The following DNAH1 variants were observed in gnomAD, a reference collection of about 807,000 sequenced individuals.
DNAH1 encodes the protein axonemal beta dynein heavy chain 1.
A neutral mutation model predicts 484.3 loss-of-function variants in DNAH1; 327 were observed. The ratio of observed to expected loss-of-function variants is 0.68; its 90% confidence interval spans 0.62 to 0.74. The LOEUF is 0.74. DNAH1 is among the 30% of genes least tolerant of loss of function. The pLI is 0.00. For missense variants in DNAH1, 5,052 were observed against 5,546.8 expected (o/e 0.91, Z 2.83); for synonymous variants, 2,192 against 2,191.9 (o/e 1.00, Z 0.00).
intron 32 of DNAH1, among the ~76,000 whole-genome samples, chr3:52,363,925 C>T (rs901160479): frequency 1.3e-5 from 2 of 152,114 alleles, no homozygotes; most frequent in Admixed American, 6.5e-5. Flanking sequence ...TCCTGGGTGC[C>T]GGCGCTCCCA....
Position 52,346,773 on chromosome 3 carries a change from G to A in DNAH1, c.1955+3G>A. ...GACTTAATTAACAGCCCCTACAGGT[G>A]GGGCCCGGCGGGGCGGAGGCACCTG... On this transcript the variant is annotated splice_donor_region_variant and intron_variant, in intron 11 of 77. Coordinates refer to ENST00000420323, the MANE Select transcript of DNAH1 (RefSeq NM_015512.5). The A allele has an allele frequency of 6.2e-7, 1 of 1,600,188 alleles. No homozygotes were observed. Among genetic ancestry groups the A allele is most frequent in the South Asian group, 1.1e-5 (1 of 90,422 alleles).
At chr3:52,393,639 C>T (rs1704493200) in intron 66 of DNAH1, among the ~76,000 whole-genome samples, 154 bp downstream of exon 66, 2 of 152,142 alleles carry the variant, frequency 1.3e-5, no homozygotes, top group Admixed American at 6.5e-5. Context: ...CAGCCAGGGC[C>T]GGGCACGGTG....
intron 8 of DNAH1, 31 bp from the exon 9 acceptor site, chr3:52,344,457 CCT>C (rs1351557275): frequency 3.7e-6 from 6 of 1,604,722 alleles, no homozygotes; most frequent in African/African-American, 1.3e-5. Flanking sequence ...GTGTGGAGCC[CCT>C]GATTCCCCCA....
In DNAH1 at chr3:52,366,887, G is replaced by T; in HGVS notation, c.5765G>T (p.Trp1922Leu). The T allele has an allele frequency of 6.2e-7, 1 of 1,608,820 alleles. No individual in the cohort carries two copies. Residue 1922 changes from tryptophan to leucine, a missense_variant and splice_region_variant, in exon 36 of 78, where the codon TGG (tryptophan) becomes TTG (leucine). By Grantham distance (61) the Trp-to-Leu change is moderately conservative. Transcript: ENST00000420323. The part of the protein sequence containing the change: ...YGEFDLLTHE[W>L]TDGIFSSFIR... ...GAGTTTGACCTCCTCACCCATGAGT[G>T]GTGAGTGACCCCCCAGCCTCACCGG...
chr3:52,336,845 A>G (rs1375010102), intron 8 of DNAH1, among the ~76,000 whole-genome samples: 1 of 152,138 alleles, frequency 6.6e-6, no homozygotes, highest in Non-Finnish European at 1.5e-5. Flanking sequence ...GCCTTGTAGT[A>G]CAGTTTGAAG....
intron 59 of DNAH1, 129 bp downstream of exon 59, chr3:52,389,066 C>T (rs1269470619): frequency 8.5e-7 from 1 of 1,175,050 alleles, no homozygotes; most frequent in African/African-American, 1.5e-5. Context: ...TCAACAAGCA[C>T]TTAGCAGGCT....
intron 32 of DNAH1, 29 bp downstream of exon 32, chr3:52,363,173 G>T: frequency 6.2e-7 from 1 of 1,607,720 alleles, no homozygotes; most frequent in Non-Finnish European, 8.5e-7. Context: ...GGGTTTCCAG[G>T]GTCTGAAAAC....
rs536849666 is a variant in DNAH1 at position 52,335,102 on chromosome 3, A to G, written c.1286+2708A>G. On this transcript the variant is annotated intron_variant, in intron 8 of 77. Coordinates refer to ENST00000420323, the MANE Select transcript of DNAH1 (RefSeq NM_015512.5). ...GGCATGATCTATAAGCTTTTTAAAA[A>G]AATGTGTGATTTTTTTTTTTGCTTT... is the stretch of plus-strand genomic sequence containing the variant. Among the ~76,000 whole-genome samples, 8 of 149,330 alleles carry G rather than the reference A, an allele frequency of 5.4e-5. No homozygotes were observed. In the East Asian group the frequency reaches 1.4e-3, roughly 26 times the overall value.
intron 1 of DNAH1, among the ~76,000 whole-genome samples, chr3:52,321,073 T>A (rs957920816): frequency 2.5e-4 from 38 of 151,996 alleles, no homozygotes; most frequent in African/African-American, 4.8e-5. Context: ...GTGCTGGGAT[T>A]ACAGGCATGA....
At chr3:52,343,649 G>A (rs1702029382) in intron 8 of DNAH1, among the ~76,000 whole-genome samples, 1 of 152,164 alleles carries the variant, frequency 6.6e-6, no homozygotes, top group Non-Finnish European at 1.5e-5. Flanking sequence ...TGGGCTGCAG[G>A]AAACTGAGAT....
intron 7 of DNAH1, among the ~76,000 whole-genome samples, chr3:52,331,714 T>A (rs1471469158): frequency 6.8e-6 from 1 of 147,024 alleles, no homozygotes; most frequent in Admixed American, 6.9e-5. Flanking sequence ...AACCTCTTCC[T>A]CCTGGGTTCA....
At chr3:52,393,276 C>T (rs1319050670) in intron 65 of DNAH1, 58 bp from the exon 66 acceptor site, 2 of 1,603,034 alleles carry the variant, frequency 1.2e-6, no homozygotes, top group Non-Finnish European at 1.7e-6. Context: ...TGGGCTGGAC[C>T]CCGGGGCTCT....
At chr3:52,397,176 T>TCCATC in intron 73 of DNAH1, 132 bp downstream of exon 73, 1 of 890,450 alleles carries the variant, frequency 1.1e-6, no homozygotes, top group Admixed American at 2.9e-5. Flanking sequence ...CATCAGTCAA[T>TCCATC]CCATCCCATC....
chr3:52,386,772 G>A lies in DNAH1; in HGVS notation c.8922G>A (p.Lys2974=). The A allele has an allele frequency of 1.3e-6, 2 of 1,589,734 alleles. No individual in the cohort carries two copies. Among genetic ancestry groups the A allele is most frequent in the Non-Finnish European group, 1.7e-6 (2 of 1,168,474 alleles). The change falls in exon 56 of 78, where the codon AAG becomes AAA. Residue 2974 remains lysine, a synonymous_variant. Coordinates refer to ENST00000420323, the MANE Select transcript of DNAH1 (RefSeq NM_015512.5). The part of the protein sequence containing the change: ...KKVPGEKPGT[K]VDDYWEPGKG... Reference sequence around the variant, plus strand: ...TGCCTGGAGAAAAGCCAGGCACCAAGGTGGATGACTACTGGGAGCCTGGCA... The same window carrying A: ...TGCCTGGAGAAAAGCCAGGCACCAAAGTGGATGACTACTGGGAGCCTGGCA...
At chr3:52,389,439 C>T (rs1475624460) in intron 59 of DNAH1, 22 bp from the exon 60 acceptor site, 4 of 1,611,182 alleles carry the variant, frequency 2.5e-6, no homozygotes, top group Non-Finnish European at 3.4e-6. Flanking sequence ...GTGGGGTGGT[C>T]CTGAGTCTGG....
At chr3:52,369,075 C>G (rs1703207334) in intron 37 of DNAH1, among the ~76,000 whole-genome samples, 157 bp downstream of exon 37, 1 of 152,180 alleles carries the variant, frequency 6.6e-6, no homozygotes, top group South Asian at 2.1e-4. Flanking sequence ...CTCCTGCTAG[C>G]AGGAGCTTAG....
At chr3:52,327,835 C>G in intron 5 of DNAH1, 47 bp from the exon 6 acceptor site, 1 of 1,605,400 alleles carries the variant, frequency 6.2e-7, no homozygotes, top group Non-Finnish European at 8.5e-7. Flanking sequence ...CACCTGGGCC[C>G]CACTAGAGGA....
At chr3:52,350,199 G>T (rs945162686) in intron 15 of DNAH1, 91 bp downstream of exon 15, 14 of 1,534,072 alleles carry the variant, frequency 9.1e-6, no homozygotes, top group Non-Finnish European at 1.2e-5. Context: ...TGGGAGGTCG[G>T]ACTCAGGAGG....
In DNAH1 at chr3:52,349,667, A is replaced by G. The variant is rs115136114; in HGVS notation, c.2526+247A>G. ...TTCCCTAGACTCTTAGAGGCCTGGA[A>G]AGCCTCACGAAGGACACCCTTGACG... On this transcript the variant is annotated intron_variant, in intron 14 of 77. Transcript: ENST00000420323. Among the ~76,000 whole-genome samples, 3,441 of 152,318 alleles carry G rather than the reference A, an allele frequency of 0.023. 132 individuals are homozygous for G. Among genetic ancestry groups the G allele is most frequent in the African/African-American group, 0.077 (3,207 of 41,580 alleles).
Sources: allele counts gnomAD v4.1 joint callset (sites outside exome capture counted in the v4.1 genomes callset), GRCh38; gene constraint gnomAD v4.1.1; transcripts MANE v1.5; gene names NCBI Gene and HGNC (gene_info 2026-07-23, HGNC 2026-07-21).